Variants in SLC5A3 observed in about 807,000 individuals in gnomAD.
The protein encoded by SLC5A3 is sodium/myo-inositol cotransporter.
A neutral mutation model predicts 43.2 loss-of-function variants in SLC5A3; 10 were observed. The observed-to-expected ratio is 0.23, with a 90% CI of 0.14 to 0.39. SLC5A3 has a LOEUF of 0.39. SLC5A3 is among the 10% of genes least tolerant of loss of function. SLC5A3 has a pLI of 1.00. For synonymous variants in SLC5A3, 349 were observed against 322.0 expected (o/e 1.08, Z -0.90); for missense variants, 608 against 893.4 (o/e 0.68, Z 4.07).
At chr21:34,090,752 T>G (rs1474244723) in intron 1 of SLC5A3, among the ~76,000 whole-genome samples, 1 of 152,206 alleles carries the variant, frequency 6.6e-6, no homozygotes, top group Non-Finnish European at 1.5e-5. Context: ...TGGTTTCATT[T>G]TAAAAGCCAG....
chr21:34,086,705 A>G (rs1978403439), intron 1 of SLC5A3, among the ~76,000 whole-genome samples: 1 of 152,096 alleles, frequency 6.6e-6, no homozygotes, highest in Non-Finnish European at 1.5e-5. Flanking sequence ...TTTTGTTAGG[A>G]TTAGATGAGC....
Position 34,098,403 on chromosome 21 carries a change from A to G in SLC5A3, c.*1048A>G. 1 of 1,000,224 alleles carries G rather than the reference A, an allele frequency of 1.0e-6. No homozygotes were observed. The allele number at this position is 1,000,224 out of a possible 1,614,324, so 62.0% of individuals were successfully genotyped here. A position where few individuals can be genotyped will look rare whatever the true frequency, so the allele number is the denominator to read the frequency against. ...TTAGATCATGATATATCAAGGTTGA[A>G]TTTTTAGAGGGAAAATTTAATTCTG... On this transcript the variant is annotated 3_prime_UTR_variant, in exon 2 of 2. Transcript: ENST00000381151.
In SLC5A3 at chr21:34,098,640, T is replaced by C. The variant is rs1320203641; in HGVS notation, c.*1285T>C. On this transcript the variant is annotated 3_prime_UTR_variant, in exon 2 of 2. Coordinates refer to ENST00000381151, the MANE Select transcript of SLC5A3 (RefSeq NM_006933.7). ...CTTTCTGTAGGATGGATAGCATGTT[T>C]GAGAGGTGCCAAACAAGAACTTTTG... 1 of 1,000,160 alleles carries C rather than the reference T, an allele frequency of 1.0e-6. No individual in the cohort carries two copies. The highest frequency in any genetic ancestry group is 1.7e-5 in the African/African-American group (1 of 57,234). The allele number at this position is 1,000,160 out of a possible 1,614,324, so 62.0% of individuals were successfully genotyped here.
chr21:34,098,094 T>G lies in SLC5A3; in HGVS notation c.*739T>G. On this transcript the variant is annotated 3_prime_UTR_variant, in exon 2 of 2. Coordinates refer to ENST00000381151, the MANE Select transcript of SLC5A3 (RefSeq NM_006933.7). ...TGTCATGATTGTGTTGTTAAATGATTATGGGGGAGAAAATGAAGTAAATGT... is the reference window on the plus strand; with the variant it reads ...TGTCATGATTGTGTTGTTAAATGATGATGGGGGAGAAAATGAAGTAAATGT... 1 of 999,352 alleles carries G rather than the reference T, an allele frequency of 1.0e-6. No homozygotes were observed. Among genetic ancestry groups the G allele is most frequent in the Non-Finnish European group, 1.2e-6 (1 of 829,298 alleles). 61.9% of individuals were successfully genotyped at this position (999,352 alleles called of 1,614,324 possible). A position where few individuals can be genotyped will look rare whatever the true frequency, so the allele number is the denominator to read the frequency against.
In SLC5A3 at chr21:34,101,749, A is replaced by T. The variant is rs534570560; in HGVS notation, c.*4394A>T. On this transcript the variant is annotated 3_prime_UTR_variant, in exon 2 of 2. Coordinates refer to ENST00000381151, the MANE Select transcript of SLC5A3 (RefSeq NM_006933.7). ...AAATAATGACTCATTAAATATAATT[A>T]TGTTTTAAGTATACTGAATTTCTGT... The T allele has an allele frequency of 3.4e-4, 338 of 993,296 alleles. No homozygotes were observed. The highest frequency in any genetic ancestry group is 3.9e-4 in the Non-Finnish European group (325 of 823,838). The allele number at this position is 993,296 out of a possible 1,614,324, so 61.5% of individuals were successfully genotyped here.
chr21:34,085,692 C>A (rs1630747), intron 1 of SLC5A3, among the ~76,000 whole-genome samples: 104,395 of 150,734 alleles, frequency 0.69, 37,247 homozygotes, highest in East Asian at 0.88. Flanking sequence ...AGCTCTGCCT[C>A]CCGGGTTTCA....
chr21:34,096,010 C>T lies in SLC5A3; in HGVS notation c.812C>T (p.Ala271Val). 1 of 1,614,126 alleles carries T rather than the reference C, an allele frequency of 6.2e-7. No individual in the cohort carries two copies. The highest frequency in any genetic ancestry group is 8.5e-7 in the Non-Finnish European group (1 of 1,180,004). The change falls in exon 2 of 2, where the codon GCT becomes GTT. Residue 271 changes from alanine (A) to valine (V), a missense_variant. By Grantham distance (64) the Ala-to-Val change is moderately conservative. Transcript: ENST00000381151. The surrounding 1 kb of genome is among the most constrained non-coding windows in gnomAD (Gnocchi z 5.9). ...WPGFILGQTPASVWYWCADQV... is the reference protein window; with the variant it reads ...WPGFILGQTPVSVWYWCADQV... ...GGATTCATTCTTGGGCAGACCCCAG[C>T]TTCAGTATGGTACTGGTGTGCTGAC...
chr21:34,088,018 A>AT (rs1978484045), intron 1 of SLC5A3, among the ~76,000 whole-genome samples: 1 of 152,166 alleles, frequency 6.6e-6, no homozygotes. Flanking sequence ...AGTAGAACAC[A>AT]TTTTTTGGGC....
intron 1 of SLC5A3, among the ~76,000 whole-genome samples, chr21:34,086,639 T>G (rs1302452634): frequency 2.0e-5 from 3 of 152,148 alleles, no homozygotes; most frequent in East Asian, 3.8e-4. Context: ...CTCTCAAATG[T>G]CCTCAGTTTT....
chr21:34,089,833 A>C (rs1243298211), intron 1 of SLC5A3, among the ~76,000 whole-genome samples: 1 of 152,178 alleles, frequency 6.6e-6, no homozygotes, highest in Non-Finnish European at 1.5e-5. Flanking sequence ...TAAAAACTTG[A>C]GGGTGCAAGT....
intron 1 of SLC5A3, among the ~76,000 whole-genome samples, chr21:34,092,540 G>A (rs977224968): frequency 6.6e-6 from 1 of 152,198 alleles, no homozygotes; most frequent in Non-Finnish European, 1.5e-5. Context: ...GAAGTTAGGA[G>A]TTAGGGCTAG....
intron 1 of SLC5A3, among the ~76,000 whole-genome samples, chr21:34,086,191 G>T (rs1386932141): frequency 6.6e-6 from 1 of 152,116 alleles, no homozygotes; most frequent in East Asian, 1.9e-4. Flanking sequence ...ATAGGTTCTA[G>T]AAATTTGATT....
intron 1 of SLC5A3, among the ~76,000 whole-genome samples, chr21:34,074,158 G>C (rs1989262261): frequency 6.7e-6 from 1 of 148,738 alleles, no homozygotes; most frequent in Non-Finnish European, 1.5e-5. Context: ...CTCGTCGCCG[G>C]CCCCGCCGCC....
intron 1 of SLC5A3, among the ~76,000 whole-genome samples, chr21:34,080,862 T>A (rs75868308): frequency 2.6e-4 from 39 of 152,340 alleles, no homozygotes; most frequent in African/African-American, 8.4e-4. Context: ...GACCTCGTGC[T>A]AGTAGTTTGC....
chr21:34,091,102 G>C (rs1978660972), intron 1 of SLC5A3, among the ~76,000 whole-genome samples: 1 of 152,152 alleles, frequency 6.6e-6, no homozygotes, highest in Non-Finnish European at 1.5e-5. Flanking sequence ...TTTTCATTTG[G>C]ATCAGAGGAT....
rs749430501 is a variant in SLC5A3 at position 34,096,573 on chromosome 21, G to A, written c.1375G>A (p.Ala459Thr). 2 of 1,614,126 alleles carry A rather than the reference G, an allele frequency of 1.2e-6. No homozygotes were observed. The highest frequency in any genetic ancestry group is 1.7e-6 in the Non-Finnish European group (2 of 1,180,012). ...CCCAGTGGCAGCCTTGTTCCTGCTG[G>A]CAATTTTCTGGAAGCGCTGCAATGA... Reference protein sequence around the residue: ...TPPVAALFLLAIFWKRCNEQG... With the variant: ...TPPVAALFLLTIFWKRCNEQG... Residue 459 changes from alanine (A) to threonine (T), a missense_variant, in exon 2 of 2, where the codon GCA (alanine) becomes ACA (threonine). By Grantham distance (58) the Ala-to-Thr change is moderately conservative. Transcript: ENST00000381151. This position sits in a 1 kb window ranked among gnomAD's most constrained non-coding sequence, Gnocchi z 5.9.
chr21:34,098,401 G>A lies in SLC5A3; in HGVS notation c.*1046G>A. 1 of 1,000,178 alleles carries A rather than the reference G, an allele frequency of 1.0e-6. No individual in the cohort carries two copies. Among genetic ancestry groups the A allele is most frequent in the South Asian group, 4.7e-5 (1 of 21,288 alleles). The allele number at this position is 1,000,178 out of a possible 1,614,324, so 62.0% of individuals were successfully genotyped here. The stretch of plus-strand genomic sequence containing the variant: ...GATTAGATCATGATATATCAAGGTT[G>A]AATTTTTAGAGGGAAAATTTAATTC... On this transcript the variant is annotated 3_prime_UTR_variant, in exon 2 of 2. Coordinates refer to ENST00000381151, the MANE Select transcript of SLC5A3 (RefSeq NM_006933.7).
At position 34,096,132 on chromosome 21, in the gene SLC5A3, A is replaced by G. The variant is rs775420713; in HGVS notation, c.934A>G (p.Ile312Val). 2 of 1,614,176 alleles carry G rather than the reference A, an allele frequency of 1.2e-6. No homozygotes were observed. The highest frequency in any genetic ancestry group is 1.7e-6 in the Non-Finnish European group (2 of 1,180,012). ...AGFLKLLPMF[I>V]IVVPGMISRI... is the part of the protein sequence containing the mutation. The stretch of plus-strand genomic sequence containing the variant: ...CTTCTTAAAGCTCCTGCCAATGTTT[A>G]TCATAGTTGTCCCAGGAATGATTTC... Residue 312 changes from isoleucine (I) to valine (V), a missense_variant, in exon 2 of 2, where the codon ATC (isoleucine) becomes GTC (valine). Around this residue, in one of 2 missense-constraint regions of SLC5A3, gnomAD observed 398 missense variants for 668.6 expected, o/e 0.60. Coordinates refer to ENST00000381151, the MANE Select transcript of SLC5A3 (RefSeq NM_006933.7). The surrounding 1 kb of genome is among the most constrained non-coding windows in gnomAD (Gnocchi z 5.9).
At chr21:34,078,571 A>G (rs1258640293) in intron 1 of SLC5A3, among the ~76,000 whole-genome samples, 1 of 152,204 alleles carries the variant, frequency 6.6e-6, no homozygotes. Context: ...TATGCAGACT[A>G]TTGAATCTTC....
Sources: gnomAD v4.1 joint callset for allele counts (sites outside exome capture counted in the v4.1 genomes callset) on GRCh38, gnomAD v4.1.1 for gene constraint, gnomAD v4.1.1 regional missense constraint, Gnocchi (gnomAD v3.1) non-coding constraint, MANE v1.5 for transcripts, NCBI Gene and HGNC (gene_info 2026-07-23, HGNC 2026-07-21) for gene names.